ATXN1: variants seen among roughly 807,000 people sequenced by gnomAD.
The protein encoded by ATXN1 is ataxin-1.
In ATXN1, 8 loss-of-function variants were observed where a neutral mutation model predicts 56.4. That is an observed-to-expected ratio of 0.14 (90% CI 0.08 to 0.26). The LOEUF (loss-of-function observed/expected upper bound fraction) is 0.26. Among genes scored for constraint, ATXN1 ranks in the 10% least tolerant of loss-of-function variants. The pLI is 1.00. For missense variants in ATXN1, 987 were observed against 1,106.5 expected (o/e 0.89, Z 1.53); for synonymous variants, 514 against 494.6 (o/e 1.04, Z -0.52).
intron 6 of ATXN1, among the ~76,000 whole-genome samples, chr6:16,349,707 C>T (rs1761528232): frequency 6.6e-6 from 1 of 152,116 alleles, no homozygotes. Context: ...CTAAAATTGT[C>T]TTCTTTTAGA....
At chr6:16,640,258 G>A (rs1289528327) in intron 3 of ATXN1, among the ~76,000 whole-genome samples, 1 of 152,072 alleles carries the variant, frequency 6.6e-6, no homozygotes, top group Admixed American at 6.5e-5. Flanking sequence ...TAATTGTTTT[G>A]TTCACCATGA....
chr6:16,386,861 G>A lies in ATXN1; in HGVS notation c.-160-58391C>T, dbSNP rs567993123. On this transcript the variant is annotated intron_variant, in intron 6 of 7. Coordinates refer to ENST00000436367, the MANE Select transcript of ATXN1 (RefSeq NM_001128164.2). ...TATTTTGATTATTTTTAAAGGAGAC[G>A]GGGTTTCACTATGTTGCCCAGGCTG... is the stretch of plus-strand genomic sequence containing the variant. 1.2e-4 allele frequency among the ~76,000 whole-genome samples: 19 copies of A among 152,138 alleles called. No homozygotes were observed. The East Asian group carries it at 2.9e-3, about 23-fold the overall frequency.
At chr6:16,666,225 G>T (rs571419923) in intron 2 of ATXN1, among the ~76,000 whole-genome samples, 1 of 152,158 alleles carries the variant, frequency 6.6e-6, no homozygotes, top group South Asian at 2.1e-4. Context: ...ATATGAGTGA[G>T]AATATGTGAT....
chr6:16,584,635 C>A lies in ATXN1; in HGVS notation c.-361+1145G>T, dbSNP rs149702319. Among the ~76,000 whole-genome samples, 625 of 145,842 alleles carry A rather than the reference C, an allele frequency of 4.3e-3. 8 individuals carry two copies. The highest frequency in any genetic ancestry group is 0.016 in the African/African-American group (576 of 36,530). ...ACAATTTACTTGACTTACAAATGAC[C>A]CCCCCCACCCCCAAAACCCAAAATA... On this transcript the variant is annotated intron_variant, in intron 4 of 7. Transcript: ENST00000436367.
Position 16,410,370 on chromosome 6 carries a change from C to T in ATXN1, c.-161+75602G>A, listed in dbSNP as rs966572585. ...AGGGACCCCTATGGAGGCAGAGAAC[C>T]TGAAATGAACAGTGAAGACTAAATC... On this transcript the variant is annotated intron_variant, in intron 6 of 7. Coordinates refer to ENST00000436367, the MANE Select transcript of ATXN1 (RefSeq NM_001128164.2). The surrounding 1 kb of genome is among the most constrained non-coding windows in gnomAD (Gnocchi z 4.6). Among the ~76,000 whole-genome samples the T allele has an allele frequency of 6.6e-6, 1 of 152,174 alleles. No individual in the cohort carries two copies. The highest frequency in any genetic ancestry group is 2.4e-5 in the African/African-American group (1 of 41,434).
chr6:16,373,252 T>C (rs1443787880), intron 6 of ATXN1, among the ~76,000 whole-genome samples: 1 of 152,276 alleles, frequency 6.6e-6, no homozygotes, highest in Non-Finnish European at 1.5e-5. Flanking sequence ...ATAAACGTCC[T>C]GGCCACCATT....
At chr6:16,614,128 G>A (rs1451847738) in intron 3 of ATXN1, among the ~76,000 whole-genome samples, 3 of 151,550 alleles carry the variant, frequency 2.0e-5, no homozygotes, top group South Asian at 2.1e-4. Context: ...GGAAATTTCC[G>A]AAGCTGCTAT....
intron 2 of ATXN1, among the ~76,000 whole-genome samples, chr6:16,740,440 G>C (rs983477347): frequency 6.6e-6 from 1 of 152,156 alleles, no homozygotes; most frequent in East Asian, 1.9e-4. Context: ...CCTACACAGA[G>C]AAATGATCTG....
chr6:16,722,508 G>C (rs1285858939), intron 2 of ATXN1, among the ~76,000 whole-genome samples: 10 of 152,044 alleles, frequency 6.6e-5, no homozygotes, highest in Non-Finnish European at 1.3e-4. Context: ...CCCCCCACCT[G>C]CCCCACTGTT....
intron 3 of ATXN1, among the ~76,000 whole-genome samples, chr6:16,645,109 T>C (rs1416054885): frequency 6.6e-6 from 1 of 152,216 alleles, no homozygotes; most frequent in Non-Finnish European, 1.5e-5. Flanking sequence ...AAGCAAACAC[T>C]GCATTGCCTG....
In ATXN1 at chr6:16,529,772, C is replaced by T. The variant is rs374341025; in HGVS notation, c.-360-7084G>A. Reference sequence around the variant, plus strand: ...TGAGTTTCCAAATTCCCTAAACTTACTATGGCATGATGTACATGTCTCTAT... The same window carrying T: ...TGAGTTTCCAAATTCCCTAAACTTATTATGGCATGATGTACATGTCTCTAT... On this transcript the variant is annotated intron_variant, in intron 4 of 7. Transcript: ENST00000436367. Among the ~76,000 whole-genome samples the T allele has an allele frequency of 2.0e-4, 30 of 152,248 alleles. No homozygotes were observed. In the South Asian group the frequency reaches 6.0e-3, roughly 31 times the overall value.
intron 6 of ATXN1, among the ~76,000 whole-genome samples, chr6:16,433,779 G>A (rs539140830): frequency 4.6e-4 from 70 of 152,374 alleles, no homozygotes; most frequent in African/African-American, 1.6e-3. Context: ...AGTGAAGCCA[G>A]AGTGACAGTC....
At chr6:16,429,983 G>A (rs1759245183) in intron 6 of ATXN1, among the ~76,000 whole-genome samples, 1 of 152,138 alleles carries the variant, frequency 6.6e-6, no homozygotes, top group Non-Finnish European at 1.5e-5. Flanking sequence ...TGCCACTCAG[G>A]CAAAATCACA....
At chr6:16,574,997 T>A (rs1357466137) in intron 4 of ATXN1, among the ~76,000 whole-genome samples, 1 of 115,588 alleles carries the variant, frequency 8.7e-6, no homozygotes, top group African/African-American at 7.3e-5. Context: ...GAGTTTGCTA[T>A]TTTTTTCTTG....
intron 6 of ATXN1, among the ~76,000 whole-genome samples, chr6:16,474,034 C>T (rs1760274847): frequency 6.6e-6 from 1 of 152,194 alleles, no homozygotes; most frequent in South Asian, 2.1e-4. Context: ...AAACTCTAAA[C>T]TCCTCAGCAG....
At chr6:16,425,375 C>T (rs149056683) in intron 6 of ATXN1, among the ~76,000 whole-genome samples, 10 of 152,330 alleles carry the variant, frequency 6.6e-5, no homozygotes, top group African/African-American at 1.4e-4. Flanking sequence ...TAGCATTTTA[C>T]GCATTAACTG....
At chr6:16,447,301 T>A (rs1561899505) in intron 6 of ATXN1, among the ~76,000 whole-genome samples, 1 of 152,198 alleles carries the variant, frequency 6.6e-6, no homozygotes, top group African/African-American at 2.4e-5. Flanking sequence ...CTCAGCATAC[T>A]GCAACCTTGG....
intron 6 of ATXN1, among the ~76,000 whole-genome samples, chr6:16,414,221 T>C (rs1049778318): frequency 7.9e-5 from 12 of 152,186 alleles, no homozygotes; most frequent in African/African-American, 2.9e-4. Context: ...CTTCCCTATC[T>C]CTCACTGTTC....
intron 6 of ATXN1, among the ~76,000 whole-genome samples, chr6:16,456,526 C>G (rs1019626629): frequency 2.6e-5 from 4 of 152,078 alleles, no homozygotes; most frequent in Non-Finnish European, 4.4e-5. Context: ...AGCCTAGGGT[C>G]GACAGAGAGG....
Sources: gnomAD v4.1 joint callset for allele counts (sites outside exome capture counted in the v4.1 genomes callset) on GRCh38, gnomAD v4.1.1 for gene constraint, Gnocchi (gnomAD v3.1) non-coding constraint, MANE v1.5 for transcripts, NCBI Gene and HGNC (gene_info 2026-07-23, HGNC 2026-07-21) for gene names.